FSTL1: variants seen among roughly 807,000 people sequenced by gnomAD.
The protein encoded by FSTL1 is follistatin like 1.
FSTL1 carries 24 observed loss-of-function variants against 45.9 expected under a neutral mutation model. The observed-to-expected ratio is 0.52, with a 90% CI of 0.38 to 0.74. The LOEUF is 0.74. Among genes scored for constraint, FSTL1 ranks in the 30% least tolerant of loss-of-function variants. The pLI is 0.00. For synonymous variants in FSTL1, 120 were observed against 137.6 expected, an observed-to-expected ratio of 0.87 and a Z score of 0.89; for missense variants, 340 against 381.8, an observed-to-expected ratio of 0.89 and a Z score of 0.91.
chr3:120,412,749 CA>C (rs1438750268), intron 3 of FSTL1, among the ~76,000 whole-genome samples: 2 of 151,806 alleles, frequency 1.3e-5, no homozygotes, highest in African/African-American at 4.8e-5. Flanking sequence ...TTCAATGACA[CA>C]AAACAGCCAG....
intron 3 of FSTL1, among the ~76,000 whole-genome samples, chr3:120,415,335 G>T (rs1230391277): frequency 6.6e-6 from 1 of 152,192 alleles, no homozygotes; most frequent in East Asian, 1.9e-4. Flanking sequence ...GAAAATGATT[G>T]AATAAATCTA....
Position 120,412,838 on chromosome 3 carries a change from G to GCGCGCGCACACACA in FSTL1, c.169-856_169-855insTGTGTGTGCGCGCG, listed in dbSNP as rs1429168694. On this transcript the variant is annotated intron_variant, in intron 3 of 10. Coordinates refer to ENST00000295633, the MANE Select transcript of FSTL1 (RefSeq NM_007085.5). ...CACATGTGCGCGCGCGCGCGCGCGC[G>GCGCGCGCACACACA]CACACACACACACACACACACACAC... Among the ~76,000 whole-genome samples, 5 of 106,132 alleles carry GCGCGCGCACACACA rather than the reference G, an allele frequency of 4.7e-5. No homozygotes were observed. In the East Asian group the frequency reaches 1.2e-3, roughly 26 times the overall value. 69.6% of individuals were successfully genotyped at this position (106,132 alleles called of 152,430 possible).
At chr3:120,435,991 T>C (rs1483121558) in intron 2 of FSTL1, among the ~76,000 whole-genome samples, 1 of 151,978 alleles carries the variant, frequency 6.6e-6, no homozygotes, top group East Asian at 1.9e-4. Context: ...ATGACCAACA[T>C]AGTGGGGTAG....
intron 7 of FSTL1, among the ~76,000 whole-genome samples, chr3:120,403,789 A>G (rs1286909263): frequency 6.6e-6 from 1 of 152,086 alleles, no homozygotes; most frequent in Non-Finnish European, 1.5e-5. Flanking sequence ...AAGTTCAAGC[A>G]AGAATCACCA....
rs1023281580 is a variant in FSTL1, at chr3:120,443,329, G to A, written c.63+7355C>T. The stretch of plus-strand genomic sequence containing the variant: ...ATCTGACCCCTAATGGCCAAGCAGC[G>A]ATGGTGGTAGCAGCTCCTTCAGAAC... On this transcript the variant is annotated intron_variant, in intron 2 of 10. Coordinates refer to ENST00000295633, the MANE Select transcript of FSTL1 (RefSeq NM_007085.5). 1.5e-4 allele frequency among the ~76,000 whole-genome samples: 23 copies of A among 149,516 alleles called. 2 individuals are homozygous for A. The highest frequency in any genetic ancestry group is 2.8e-4 in the Non-Finnish European group (19 of 68,024).
chr3:120,450,217 T>C (rs1576231766), intron 2 of FSTL1, among the ~76,000 whole-genome samples: 1 of 152,178 alleles, frequency 6.6e-6, no homozygotes, highest in Non-Finnish European at 1.5e-5. Flanking sequence ...CAGAGAATCA[T>C]GATCTCACTT....
Position 120,395,585 on chromosome 3 carries a change from G to A in FSTL1, c.*1367C>T, listed in dbSNP as rs1277294075. 3 of 499,004 alleles carry A rather than the reference G, an allele frequency of 6.0e-6. No homozygotes were observed. The highest frequency in any genetic ancestry group is 1.2e-5 in the Non-Finnish European group (3 of 240,904). The allele number at this position is 499,004 out of a possible 1,614,324, so 30.9% of individuals were successfully genotyped here. ...CCATGAGGACTCCATATCATAGCAC[G>A]ACCTGTAGGGTCATCAGGCTGAGAT... On this transcript the variant is annotated 3_prime_UTR_variant, in exon 11 of 11. Transcript: ENST00000295633.
intron 4 of FSTL1, 86 bp downstream of exon 4, chr3:120,411,768 G>T (rs1386681275): frequency 9.1e-6 from 11 of 1,205,912 alleles, no homozygotes; most frequent in Non-Finnish European, 1.3e-5. Flanking sequence ...GTGGAGGAAA[G>T]ACCATGTGGT....
chr3:120,419,863 T>G (rs58932850), intron 2 of FSTL1, among the ~76,000 whole-genome samples: 1 of 152,078 alleles, frequency 6.6e-6, no homozygotes, highest in East Asian at 1.9e-4. Context: ...CAATGTTAAT[T>G]TTAGCACCTT....
At chr3:120,426,000 G>A (rs1285282323) in intron 2 of FSTL1, among the ~76,000 whole-genome samples, 3 of 152,184 alleles carry the variant, frequency 2.0e-5, no homozygotes, top group Non-Finnish European at 4.4e-5. Context: ...AGAAAGGAGA[G>A]AAAGGCTAAA....
chr3:120,409,493 C>G (rs779533410), intron 6 of FSTL1, 39 bp downstream of exon 6: 2 of 1,594,530 alleles, frequency 1.3e-6, no homozygotes, highest in Non-Finnish European at 1.7e-6. Context: ...GCTTCCCTTT[C>G]TATGGGCCTG....
chr3:120,429,298 T>C lies in FSTL1; in HGVS notation c.64-13271A>G, dbSNP rs553994211. ...TCTGGTCTCTGGGGCTTTCTGGAGC[T>C]GAGTGAGGATCAGTGAGGGAGGCTG... On this transcript the variant is annotated intron_variant, in intron 2 of 10. Coordinates refer to ENST00000295633, the MANE Select transcript of FSTL1 (RefSeq NM_007085.5). Among the ~76,000 whole-genome samples, 3 of 152,340 alleles carry C rather than the reference T, an allele frequency of 2.0e-5. No individual in the cohort carries two copies. In the South Asian group the frequency reaches 6.2e-4, roughly 32 times the overall value.
rs57809249 is a variant in FSTL1, at chr3:120,403,973, CA to C, written c.582-620del. On this transcript the variant is annotated intron_variant, in intron 7 of 10. Coordinates refer to ENST00000295633, the MANE Select transcript of FSTL1 (RefSeq NM_007085.5). ...AAACAAAACAAAACAAAAACAAAAA[CA>C]AAAAAAAACAAAAAACAAAACAAAC... is the stretch of plus-strand genomic sequence containing the variant. 9.2e-4 allele frequency among the ~76,000 whole-genome samples: 67 copies of C among 72,980 alleles called. 1 individual carries two copies. Among genetic ancestry groups the C allele is most frequent in the Middle Eastern group, 7.9e-3 (1 of 126 alleles). 47.9% of individuals were successfully genotyped at this position (72,980 alleles called of 152,430 possible). A position where few individuals can be genotyped will look rare whatever the true frequency, so the allele number is the denominator to read the frequency against.
At position 120,450,981 on chromosome 3, in the gene FSTL1, C is replaced by T. The variant is rs1029003020; in HGVS notation, c.-85G>A. On this transcript the variant is annotated 5_prime_UTR_variant, in exon 1 of 11. Coordinates refer to ENST00000295633, the MANE Select transcript of FSTL1 (RefSeq NM_007085.5). Reference sequence around the variant, plus strand: ...CGGAGGTGGGAGCTCCGCCGATCGCCAGCCTCGGAGGAAATGCGACCTCCC... The same window carrying T: ...CGGAGGTGGGAGCTCCGCCGATCGCTAGCCTCGGAGGAAATGCGACCTCCC... 4 of 459,824 alleles carry T rather than the reference C, an allele frequency of 8.7e-6. No individual in the cohort carries two copies. Among genetic ancestry groups the T allele is most frequent in the Non-Finnish European group, 1.5e-5 (4 of 260,908 alleles). The allele number at this position is 459,824 out of a possible 1,614,324, so 28.5% of individuals were successfully genotyped here. A position where few individuals can be genotyped will look rare whatever the true frequency, so the allele number is the denominator to read the frequency against.
At position 120,409,623 on chromosome 3, in the gene FSTL1, C is replaced by T. The variant is rs376856380; in HGVS notation, c.371G>A (p.Arg124His). The change falls in exon 6 of 11, where the codon CGC becomes CAC. Residue 124 changes from arginine to histidine, a missense_variant. By Grantham distance (29) the Arg-to-His change is conservative (BLOSUM62 0). Coordinates refer to ENST00000295633, the MANE Select transcript of FSTL1 (RefSeq NM_007085.5). The part of the protein sequence containing the change: ...YQSNRDELRR[R>H]IIQWLEAEII... The stretch of plus-strand genomic sequence containing the variant: ...CTCAGCTTCCAGCCACTGGATGATG[C>T]GACGTCGGAGCTCATCACGGTTGGA... The T allele has an allele frequency of 1.5e-5, 24 of 1,613,530 alleles. No individual in the cohort carries two copies. Among genetic ancestry groups the T allele is most frequent in the Admixed American group, 8.3e-5 (5 of 60,004 alleles).
chr3:120,399,932 T>C lies in FSTL1; in HGVS notation c.833A>G (p.Gln278Arg), dbSNP rs1411691074. 1 of 1,609,542 alleles carries C rather than the reference T, an allele frequency of 6.2e-7. No individual in the cohort carries two copies. The highest frequency in any genetic ancestry group is 1.7e-5 in the Admixed American group (1 of 59,564). The stretch of plus-strand genomic sequence containing the variant: ...ATATCTGGTCATCTCCTCCTCTGTC[T>C]GGGTCTGGGCCCCCTTCTGATTCTT... ...DGKNQKGAQT[Q>R]TEEEMTRYVQ... Residue 278 changes from glutamine (Q) to arginine (R), a missense_variant, in exon 10 of 11, where the codon CAG (glutamine) becomes CGG (arginine). By Grantham distance (43) the Gln-to-Arg change is conservative. Transcript: ENST00000295633.
chr3:120,448,169 C>T (rs2107675135), intron 2 of FSTL1, among the ~76,000 whole-genome samples: 1 of 152,310 alleles, frequency 6.6e-6, no homozygotes, highest in East Asian at 1.9e-4. Flanking sequence ...CGCAGAAAAG[C>T]AGAAAGCACC....
chr3:120,422,959 T>C (rs1937309391), intron 2 of FSTL1, among the ~76,000 whole-genome samples: 1 of 152,242 alleles, frequency 6.6e-6, no homozygotes. Flanking sequence ...CCTTCCGAAG[T>C]GCTGGGATTA....
chr3:120,397,967 C>T (rs890415249), intron 10 of FSTL1, among the ~76,000 whole-genome samples: 1 of 152,106 alleles, frequency 6.6e-6, no homozygotes, highest in Non-Finnish European at 1.5e-5. Context: ...AAGAATGAAC[C>T]TTGAAAACAT....
Sources: allele counts gnomAD v4.1 joint callset (sites outside exome capture counted in the v4.1 genomes callset), GRCh38; gene constraint gnomAD v4.1.1; transcripts MANE v1.5; gene names NCBI Gene and HGNC (gene_info 2026-07-23, HGNC 2026-07-21).